The following CLASP2 variants were observed in gnomAD, a reference collection of about 807,000 sequenced individuals.
CLASP2 encodes cytoplasmic linker associated protein 2, also known as CLIP-associating protein 2.
Under a neutral mutation model 194.4 loss-of-function variants are expected in CLASP2, and 47 were observed. The observed-to-expected ratio is 0.24, with a 90% confidence interval of 0.19 to 0.31. CLASP2 has a LOEUF of 0.31. CLASP2 is among the 10% of genes least tolerant of loss of function. The probability of loss-of-function intolerance (pLI) is 1.00; values close to 1 mark genes in which losing one functional copy is unlikely to be tolerated. For synonymous variants in CLASP2, 619 were observed against 633.5 expected (o/e 0.98, Z 0.34); for missense variants, 1,445 against 1,823.6 (o/e 0.79, Z 3.78).
chr3:33,700,987 A>G lies in CLASP2; in HGVS notation c.196-4054T>C, dbSNP rs1041802205. ...TATAATTCTAACAATTAAGTCCAAG[A>G]TCTACATGCTGAAATCACAAAATGC... On this transcript the variant is annotated intron_variant, in intron 1 of 38. Transcript: ENST00000682230. Among the ~76,000 whole-genome samples the G allele has an allele frequency of 6.6e-5, 10 of 152,372 alleles. No homozygotes were observed. The East Asian group carries it at 1.9e-3, about 29-fold the overall frequency.
At chr3:33,639,139 C>T (rs1171672727) in intron 8 of CLASP2, among the ~76,000 whole-genome samples, 2 of 152,000 alleles carry the variant, frequency 1.3e-5, no homozygotes, top group Non-Finnish European at 2.9e-5. Flanking sequence ...TGCACTACAG[C>T]CTCAACCTCC....
chr3:33,576,303 T>A, intron 23 of CLASP2, 28 bp from the exon 24 acceptor site: 2 of 1,560,804 alleles, frequency 1.3e-6, no homozygotes, highest in Non-Finnish European at 1.8e-6. Flanking sequence ...GGAAAATAGA[T>A]TTGAAGGAGT....
At chr3:33,539,933 T>C (rs75766214) in intron 32 of CLASP2, among the ~76,000 whole-genome samples, 90 of 150,784 alleles carry the variant, frequency 6.0e-4, no homozygotes, top group African/African-American at 2.1e-3. Context: ...TTTTTTTTTT[T>C]TGAGATGGAG....
intron 34 of CLASP2, among the ~76,000 whole-genome samples, chr3:33,523,287 G>C (rs1257648396): frequency 1.3e-5 from 2 of 152,040 alleles, no homozygotes; most frequent in African/African-American, 4.8e-5. Flanking sequence ...AAAATTTGAT[G>C]AAAGACATGA....
At chr3:33,522,809 G>A (rs965627160) in intron 34 of CLASP2, among the ~76,000 whole-genome samples, 2 of 152,188 alleles carry the variant, frequency 1.3e-5, no homozygotes, top group African/African-American at 4.8e-5. Context: ...AGTGGCTCAC[G>A]CCTGTAATCC....
At chr3:33,711,370 C>T (rs374466762) in intron 1 of CLASP2, among the ~76,000 whole-genome samples, 5 of 151,458 alleles carry the variant, frequency 3.3e-5, no homozygotes, top group Admixed American at 6.6e-5. Flanking sequence ...CTCAGCCTCC[C>T]GAATAGCTAG....
chr3:33,681,584 GA>G (rs2154343420), intron 6 of CLASP2, among the ~76,000 whole-genome samples: 1 of 152,270 alleles, frequency 6.6e-6, no homozygotes, highest in South Asian at 2.1e-4. Context: ...CAGAATGGGG[GA>G]AACTTCACAG....
rs2045856483 is a variant in CLASP2 at position 33,496,879 on chromosome 3, C to T, written c.*1752G>A. The T allele has an allele frequency of 1.3e-5, 2 of 152,402 alleles. No individual in the cohort carries two copies. Among genetic ancestry groups the T allele is most frequent in the African/African-American group, 4.8e-5 (2 of 41,410 alleles). The allele number at this position is 152,402 out of a possible 1,614,324, so 9.4% of individuals were successfully genotyped here. On this transcript the variant is annotated 3_prime_UTR_variant, in exon 39 of 39. Coordinates refer to ENST00000682230, the MANE Select transcript of CLASP2 (RefSeq NM_001365631.1). ...AGCTACACCTGAAAAATCTTTTCTCCTCAGATGAACTTACAAAATTCAAGA... is the reference window on the plus strand; with the variant it reads ...AGCTACACCTGAAAAATCTTTTCTCTTCAGATGAACTTACAAAATTCAAGA...
Position 33,712,511 on chromosome 3 carries a change from AT to A in CLASP2, c.195+5296del, listed in dbSNP as rs74883097. Among the ~76,000 whole-genome samples, 752 of 151,922 alleles carry A rather than the reference AT, an allele frequency of 4.9e-3. 37 individuals are homozygous for A. The East Asian group carries it at 0.12, about 25-fold the overall frequency. ...CACAAAACCACTGAAATTATAATAAATTTTTTTTTAAAAAAAGAATGGATGT... is the reference window on the plus strand; with the variant it reads ...CACAAAACCACTGAAATTATAATAAATTTTTTTTAAAAAAAGAATGGATGT... On this transcript the variant is annotated intron_variant, in intron 1 of 38. Transcript: ENST00000682230.
At chr3:33,679,057 G>C (rs563354926) in intron 6 of CLASP2, among the ~76,000 whole-genome samples, 44 of 152,202 alleles carry the variant, frequency 2.9e-4, no homozygotes, top group Middle Eastern at 3.4e-3. Flanking sequence ...ACAGACAAAT[G>C]GATCAATGGA....
At chr3:33,612,804 T>C (rs184041301) in intron 12 of CLASP2, among the ~76,000 whole-genome samples, 1 of 152,172 alleles carries the variant, frequency 6.6e-6, no homozygotes, top group Admixed American at 6.5e-5. Context: ...AAGACAAATA[T>C]CACATGTTCT....
At chr3:33,580,517 C>T (rs2065819827) in intron 23 of CLASP2, among the ~76,000 whole-genome samples, 1 of 151,830 alleles carries the variant, frequency 6.6e-6, no homozygotes, top group Non-Finnish European at 1.5e-5. Flanking sequence ...GAGCCAAGAT[C>T]GTGCCACTGC....
intron 34 of CLASP2, among the ~76,000 whole-genome samples, chr3:33,528,206 A>G (rs2055154240): frequency 6.6e-6 from 1 of 152,328 alleles, no homozygotes; most frequent in Non-Finnish European, 1.5e-5. Flanking sequence ...GATTATTTCA[A>G]TAGACACAAA....
chr3:33,683,924 T>C lies in CLASP2; in HGVS notation c.644+435A>G, dbSNP rs1304831947. Among the ~76,000 whole-genome samples the C allele has an allele frequency of 6.1e-5, 7 of 115,222 alleles. No homozygotes were observed. In the Admixed American group the frequency reaches 7.1e-4, roughly 12 times the overall value. The allele number at this position is 115,222 out of a possible 152,430, so 75.6% of individuals were successfully genotyped here. A position where few individuals can be genotyped will look rare whatever the true frequency, so the allele number is the denominator to read the frequency against. ...TACTGCACTCCAGCCTGAGCAAGAC[T>C]CTGTCTCAAAAAAAAAAAAAAAAAA... On this transcript the variant is annotated intron_variant, in intron 6 of 38. Transcript: ENST00000682230.
Position 33,560,962 on chromosome 3 carries a change from T to A in CLASP2, c.2776A>T (p.Met926Leu), listed in dbSNP as rs774761519. 5.6e-6 allele frequency: 9 copies of A among 1,613,330 alleles called. No homozygotes were observed. The highest frequency in any genetic ancestry group is 7.6e-6 in the Non-Finnish European group (9 of 1,179,600). Residue 926 changes from methionine (M) to leucine (L), a missense_variant, in exon 28 of 39, where the codon ATG becomes TTG. This residue lies in a region of CLASP2 where 732 missense variants were observed against 987.9 expected (regional missense o/e 0.74). Transcript: ENST00000682230. The stretch of plus-strand genomic sequence containing the variant: ...AAATCCACTAGAGTCTCCAAAAACA[T>A]GCTGAATACCTACAGTTGATAAAGG... ...ADPHGKRVFS[M>L]FLETLVDFIQ...
intron 7 of CLASP2, among the ~76,000 whole-genome samples, chr3:33,651,482 T>A (rs1325230706): frequency 6.6e-6 from 1 of 151,848 alleles, no homozygotes; most frequent in African/African-American, 2.4e-5. Context: ...ACATGGGGTA[T>A]GACCTTATTA....
chr3:33,635,078 C>T (rs1331240935), intron 8 of CLASP2, among the ~76,000 whole-genome samples: 1 of 151,478 alleles, frequency 6.6e-6, no homozygotes, highest in East Asian at 1.9e-4. Flanking sequence ...ATGAAGAAAC[C>T]ATGTCTCTAC....
At position 33,517,156 on chromosome 3, in the gene CLASP2, G is replaced by A; in HGVS notation, c.3806C>T (p.Ser1269Phe). ...QFPDDLSLDH[S>F]DLVAELLKEL... ...CTTCAACAACTCTGCAACTAGGTCA[G>A]AATGATCTAGGGAAAGATCTGTCAA... Residue 1269 changes from serine to phenylalanine, a missense_variant, in exon 35 of 39, where the codon TCT (serine) becomes TTT (phenylalanine). Transcript: ENST00000682230. 6.2e-7 allele frequency: 1 copy of A among 1,612,076 alleles called. No individual in the cohort carries two copies. The highest frequency in any genetic ancestry group is 1.1e-5 in the South Asian group (1 of 90,616).
At chr3:33,541,759 T>C (rs1269715763) in intron 32 of CLASP2, among the ~76,000 whole-genome samples, 1 of 152,204 alleles carries the variant, frequency 6.6e-6, no homozygotes, top group Non-Finnish European at 1.5e-5. Flanking sequence ...TTAGGTTGAT[T>C]CCATGTCTTT....
Sources: gnomAD v4.1 joint callset for allele counts (sites outside exome capture counted in the v4.1 genomes callset) on GRCh38, gnomAD v4.1.1 for gene constraint, gnomAD v4.1.1 regional missense constraint, MANE v1.5 for transcripts, NCBI Gene and HGNC (gene_info 2026-07-23, HGNC 2026-07-21) for gene names.